GTF2IRD1: variants seen among roughly 807,000 people sequenced by gnomAD.
GTF2IRD1 encodes the protein GTF2I repeat domain containing 1, also known as general transcription factor II-I repeat domain-containing protein 1.
A neutral mutation model predicts 113.2 loss-of-function variants in GTF2IRD1; 26 were observed. The observed-to-expected ratio is 0.23, with a 90% CI of 0.17 to 0.32. GTF2IRD1 has a LOEUF of 0.32. Ranked by LOEUF, GTF2IRD1 falls within the 10% of genes least tolerant of loss-of-function variation. The pLI, the probability that GTF2IRD1 is intolerant of heterozygous loss-of-function variation, is 1.00. For missense variants in GTF2IRD1, 864 were observed against 1,280.8 expected (o/e 0.67, Z 4.97); for synonymous variants, 484 against 529.1 (o/e 0.91, Z 1.17).
Position 74,468,676 on chromosome 7 carries a change from C to CTGTGTGTGTG in GTF2IRD1, c.-7+14538_-7+14547dup, listed in dbSNP as rs61694825. ...ACTCCATCTCCAAAAAAAAAAAAAA[C>CTGTGTGTGTG]TGTGTGTGTGTGTGTGTGTGTGTGT... On this transcript the variant is annotated intron_variant, in intron 1 of 26. Coordinates refer to ENST00000424337, the MANE Select transcript of GTF2IRD1 (RefSeq NM_005685.4). 5.5e-4 allele frequency among the ~76,000 whole-genome samples: 71 copies of CTGTGTGTGTG among 129,416 alleles called. 1 individual carries two copies. The highest frequency in any genetic ancestry group is 4.0e-3 in the Middle Eastern group (1 of 252). 84.9% of individuals were successfully genotyped at this position (129,416 alleles called of 152,430 possible).
rs2130238119 is a variant in GTF2IRD1, at chr7:74,518,036, AG to A, written c.422-99del. 3 of 735,182 alleles carry A rather than the reference AG, an allele frequency of 4.1e-6. No individual in the cohort carries two copies. The South Asian group carries it at 8.7e-5, about 21-fold the overall frequency. 45.5% of individuals were successfully genotyped at this position (735,182 alleles called of 1,614,324 possible). Reference sequence around the variant, plus strand: ...AGGGGTCCATGGGAACCCCGCACCAAGGGGAGCCACTCAGCACTGCCCCCAC... The same window carrying A: ...AGGGGTCCATGGGAACCCCGCACCAAGGGAGCCACTCAGCACTGCCCCCAC... On this transcript the variant is annotated intron_variant, in intron 4 of 26. Coordinates refer to ENST00000424337, the MANE Select transcript of GTF2IRD1 (RefSeq NM_005685.4).
At chr7:74,511,911 C>T (rs1257566126) in intron 2 of GTF2IRD1, among the ~76,000 whole-genome samples, 1 of 152,156 alleles carries the variant, frequency 6.6e-6, no homozygotes, top group East Asian at 1.9e-4. Context: ...GGCTGCAGAC[C>T]TCGACTCTGG....
intron 1 of GTF2IRD1, 105 bp from the exon 2 acceptor site, chr7:74,507,970 G>C: frequency 7.8e-7 from 1 of 1,282,180 alleles, no homozygotes; most frequent in Non-Finnish European, 1.1e-6. Context: ...GGATACAGAG[G>C]CGGTCTTGGG....
At chr7:74,486,162 G>T (rs782141016) in intron 1 of GTF2IRD1, among the ~76,000 whole-genome samples, 4 of 152,082 alleles carry the variant, frequency 2.6e-5, no homozygotes, top group Non-Finnish European at 5.9e-5. Flanking sequence ...GTAGAGATGT[G>T]GTTTCACCAT....
chr7:74,579,851 G>A (rs1257464784), intron 22 of GTF2IRD1, among the ~76,000 whole-genome samples: 3 of 152,078 alleles, frequency 2.0e-5, no homozygotes, highest in African/African-American at 7.2e-5. Context: ...CTGTGGTAGG[G>A]GATGGATTGG....
intron 1 of GTF2IRD1, among the ~76,000 whole-genome samples, chr7:74,504,633 G>A (rs1315085650): frequency 1.3e-5 from 2 of 151,236 alleles, no homozygotes; most frequent in Non-Finnish European, 2.9e-5. Context: ...TGCCTTTCTT[G>A]TCTCTAAGAT....
At chr7:74,515,008 G>C (rs1182645292) in intron 3 of GTF2IRD1, among the ~76,000 whole-genome samples, 1 of 140,468 alleles carries the variant, frequency 7.1e-6, no homozygotes, top group Non-Finnish European at 1.5e-5. Flanking sequence ...AGTGAGCCAA[G>C]CTTGTGCCAC....
At position 74,573,875 on chromosome 7, in the gene GTF2IRD1, C is replaced by T. The variant is rs55745139; in HGVS notation, c.2320+14220C>T. 5.9e-3 allele frequency among the ~76,000 whole-genome samples: 893 copies of T among 152,304 alleles called. 10 individuals carry two copies. The highest frequency in any genetic ancestry group is 0.019 in the African/African-American group (780 of 41,574). On this transcript the variant is annotated intron_variant, in intron 22 of 26. Coordinates refer to ENST00000424337, the MANE Select transcript of GTF2IRD1 (RefSeq NM_005685.4). The stretch of plus-strand genomic sequence containing the variant: ...GTGGCCCCAACAGAGGCCTTGGGGG[C>T]GCAGGTGCAGTCACTCATTTGTGCA...
intron 1 of GTF2IRD1, among the ~76,000 whole-genome samples, chr7:74,492,162 C>A (rs959317868): frequency 6.6e-6 from 1 of 151,784 alleles, no homozygotes; most frequent in Non-Finnish European, 1.5e-5. Flanking sequence ...CACTACCATT[C>A]CCGGCTAATT....
Position 74,555,159 on chromosome 7 carries a change from G to C in GTF2IRD1, c.1917-15G>C. 6.2e-7 allele frequency: 1 copy of C among 1,613,060 alleles called. No individual in the cohort carries two copies. The highest frequency in any genetic ancestry group is 8.5e-7 in the Non-Finnish European group (1 of 1,179,518). On this transcript the variant is annotated splice_polypyrimidine_tract_variant and intron_variant, in intron 17 of 26. Transcript: ENST00000424337. The surrounding 1 kb of genome is among the most constrained non-coding windows in gnomAD (Gnocchi z 5.3). ...TTGGAGGGACCTCTGTGATAGCCTCGCTTGTGTTTTCCAGGCCCGAGCTGC... is the reference window on the plus strand; with the variant it reads ...TTGGAGGGACCTCTGTGATAGCCTCCCTTGTGTTTTCCAGGCCCGAGCTGC...
intron 22 of GTF2IRD1, among the ~76,000 whole-genome samples, chr7:74,570,655 CA>C (rs1292006142): frequency 6.6e-6 from 1 of 151,284 alleles, no homozygotes; most frequent in African/African-American, 2.4e-5. Flanking sequence ...CCTTGTCTTT[CA>C]AAAAAAAATT....
rs114625383 is a variant in GTF2IRD1, at chr7:74,588,988, G to A, written c.2321-863G>A. Among the ~76,000 whole-genome samples, 411 of 152,226 alleles carry A rather than the reference G, an allele frequency of 2.7e-3. 2 individuals are homozygous for A. The highest frequency in any genetic ancestry group is 9.2e-3 in the African/African-American group (383 of 41,548). ...CCCCCTCTGGCTGGGAGCCCCTCAG[G>A]GAAGCAGCCCTGCCTCTTCTCTTTA... On this transcript the variant is annotated intron_variant, in intron 22 of 26. Coordinates refer to ENST00000424337, the MANE Select transcript of GTF2IRD1 (RefSeq NM_005685.4).
chr7:74,503,776 G>C (rs1796156971), intron 1 of GTF2IRD1, among the ~76,000 whole-genome samples: 1 of 152,268 alleles, frequency 6.6e-6, no homozygotes, highest in African/African-American at 2.4e-5. Context: ...TTTTATTTTA[G>C]ATTCTCAGGG....
intron 1 of GTF2IRD1, among the ~76,000 whole-genome samples, chr7:74,486,171 A>G (rs1554335553): frequency 2.6e-5 from 4 of 152,066 alleles, no homozygotes; most frequent in Admixed American, 2.0e-4. Context: ...TGGTTTCACC[A>G]TGTTGGCCAG....
chr7:74,483,099 T>C (rs1267870770), intron 1 of GTF2IRD1, among the ~76,000 whole-genome samples: 2 of 152,200 alleles, frequency 1.3e-5, no homozygotes, highest in Non-Finnish European at 2.9e-5. Flanking sequence ...AGATCTGGGG[T>C]TCAGTCTGAC....
At position 74,519,504 on chromosome 7, in the gene GTF2IRD1, G is replaced by T. The variant is rs1554345396; in HGVS notation, c.701G>T (p.Gly234Val). The change falls in exon 6 of 27, where the codon GGC (glycine) becomes GTC (valine). Residue 234 changes from glycine to valine, a missense_variant. This residue lies in a region of GTF2IRD1 where 195 missense variants were observed against 196.6 expected (regional missense o/e 0.99). Transcript: ENST00000424337. ...PKGSRDCGLHGQAPKVPPQDL... is the reference protein window; with the variant it reads ...PKGSRDCGLHVQAPKVPPQDL... ...GGGTCACGGGACTGTGGCCTGCATG[G>T]CCAGGCCCCCAAGGTGCCACCCCAG... 4 of 1,610,044 alleles carry T rather than the reference G, an allele frequency of 2.5e-6. No individual in the cohort carries two copies. The highest frequency in any genetic ancestry group is 2.5e-6 in the Non-Finnish European group (3 of 1,178,092).
chr7:74,515,553 C>T lies in GTF2IRD1; in HGVS notation c.378C>T (p.Tyr126=), dbSNP rs1554344484. 6.2e-7 allele frequency: 1 copy of T among 1,613,644 alleles called. No individual in the cohort carries two copies. Among genetic ancestry groups the T allele is most frequent in the South Asian group, 1.1e-5 (1 of 91,056 alleles). The change falls in exon 4 of 27, where the codon TAC becomes TAT. Residue 126 remains tyrosine (Y), a synonymous_variant. Coordinates refer to ENST00000424337, the MANE Select transcript of GTF2IRD1 (RefSeq NM_005685.4). ...RSSLEHGSDV[Y]LLRKMVEEVF... ...CCCTGGAACATGGCTCAGATGTGTA[C>T]CTTCTGCGGAAGATGGTAGAGGAGG...
At chr7:74,467,409 C>T (rs371545796) in intron 1 of GTF2IRD1, among the ~76,000 whole-genome samples, 4 of 152,324 alleles carry the variant, frequency 2.6e-5, no homozygotes, top group Admixed American at 2.0e-4. Context: ...CAATTTGGAG[C>T]GTTTCCCTCC....
At chr7:74,520,173 A>G (rs1403796009) in intron 6 of GTF2IRD1, among the ~76,000 whole-genome samples, 4 of 151,416 alleles carry the variant, frequency 2.6e-5, no homozygotes, top group Non-Finnish European at 5.9e-5. Context: ...ACGTGCTATA[A>G]AGGAAGTAAG....
Sources: gnomAD v4.1 joint callset for allele counts (sites outside exome capture counted in the v4.1 genomes callset) on GRCh38, gnomAD v4.1.1 for gene constraint, gnomAD v4.1.1 regional missense constraint, Gnocchi (gnomAD v3.1) non-coding constraint, MANE v1.5 for transcripts, NCBI Gene and HGNC (gene_info 2026-07-23, HGNC 2026-07-21) for gene names.